ROBO2: variants seen among roughly 807,000 people sequenced by gnomAD.
ROBO2 encodes the protein roundabout homolog 2.
Under a neutral mutation model 160.8 loss-of-function variants are expected in ROBO2, and 53 were observed. The observed-to-expected ratio is 0.33, with a 90% CI of 0.26 to 0.41. The LOEUF (loss-of-function observed/expected upper bound fraction) is 0.41. Ranked by LOEUF, ROBO2 falls within the 10% of genes least tolerant of loss-of-function variation. The pLI is 1.00. For synonymous variants in ROBO2, 664 were observed against 611.7 expected (o/e 1.09, Z -1.26); for missense variants, 1,577 against 1,722.4 (o/e 0.92, Z 1.49).
intron 2 of ROBO2, among the ~76,000 whole-genome samples, chr3:76,482,355 A>G (rs747395824): frequency 6.6e-6 from 1 of 152,156 alleles, no homozygotes; most frequent in Non-Finnish European, 1.5e-5. Flanking sequence ...ACAGCTACCC[A>G]GAACAGCCAC....
intron 2 of ROBO2, among the ~76,000 whole-genome samples, chr3:76,930,626 AG>A (rs2077278663): frequency 6.6e-6 from 1 of 152,212 alleles, no homozygotes; most frequent in Admixed American, 6.5e-5. Context: ...AAGGAGGCTA[AG>A]TAACCCCACA....
At chr3:77,317,232 C>T (rs1225552068) in intron 2 of ROBO2, 10 of 807,028 alleles carry the variant, frequency 1.2e-5, no homozygotes, top group Non-Finnish European at 1.8e-5. Context: ...CGTCACAGCC[C>T]AGGTTAATGT....
intron 2 of ROBO2, among the ~76,000 whole-genome samples, chr3:76,939,979 ATTTTTTT>A (rs71104641): frequency 8.3e-6 from 1 of 120,552 alleles, no homozygotes. Context: ...AAGCAACAGG[ATTTTTTT>A]TTTTTTTTTT....
At chr3:76,425,323 G>A (rs967587588) in intron 2 of ROBO2, among the ~76,000 whole-genome samples, 6 of 151,742 alleles carry the variant, frequency 4.0e-5, no homozygotes, top group African/African-American at 1.2e-4. Context: ...GTTATTCATC[G>A]TGTATCTGAA....
intron 2 of ROBO2, among the ~76,000 whole-genome samples, chr3:77,243,258 A>G (rs1451632880): frequency 1.3e-5 from 2 of 152,226 alleles, no homozygotes; most frequent in East Asian, 1.9e-4. Context: ...TGTAAGAATC[A>G]TTATTTAAGA....
chr3:76,110,712 A>G (rs926654963), intron 2 of ROBO2, among the ~76,000 whole-genome samples: 1 of 152,122 alleles, frequency 6.6e-6, no homozygotes, highest in Non-Finnish European at 1.5e-5. Flanking sequence ...AAAGGCATTT[A>G]TGGTACTAAT....
chr3:76,047,850 T>C (rs1413353715), intron 2 of ROBO2, among the ~76,000 whole-genome samples: 2 of 152,194 alleles, frequency 1.3e-5, no homozygotes, highest in Non-Finnish European at 2.9e-5. Flanking sequence ...AATAAAGAAC[T>C]CCTGGGCTTT....
rs577430033 is a variant in ROBO2, at chr3:77,208,044, T to G, written c.388+109704T>G. 2.0e-5 allele frequency among the ~76,000 whole-genome samples: 3 copies of G among 152,320 alleles called. No homozygotes were observed. The South Asian group carries it at 6.2e-4, about 32-fold the overall frequency. On this transcript the variant is annotated intron_variant, in intron 2 of 25. Transcript: ENST00000461745. ...AGGATCTATCCTGAGCGCTCTCCTG[T>G]AAAGAGTAAGATGTGCGCATTAGAA...
chr3:76,907,852 GTGTT>G (rs2075715368), intron 2 of ROBO2, among the ~76,000 whole-genome samples: 1 of 151,080 alleles, frequency 6.6e-6, no homozygotes, highest in Non-Finnish European at 1.5e-5. Flanking sequence ...GTGTGTGTGT[GTGTT>G]TGAGATGGAG....
intron 2 of ROBO2, among the ~76,000 whole-genome samples, chr3:76,043,382 C>T (rs2067338433): frequency 6.6e-6 from 1 of 151,634 alleles, no homozygotes. Context: ...CAGTTCTGGG[C>T]CTTTTTGCTG....
intron 2 of ROBO2, among the ~76,000 whole-genome samples, chr3:76,283,153 A>ATATAT (rs1559717396): frequency 1.7e-4 from 2 of 12,064 alleles, no homozygotes; most frequent in African/African-American, 2.4e-4. Context: ...TATATATATA[A>ATATAT]AACTACATAT....
At position 76,345,871 on chromosome 3, in the gene ROBO2, T is replaced by A. The variant is rs148109845; in HGVS notation, c.109+408269T>A. On this transcript the variant is annotated intron_variant, in intron 2 of 26. Transcript: ENST00000487694. ...GTTTTATTTGTTATTACCTAAAGCG[T>A]ACCAAACTCCAAGTTTGTATTGTCA... 3.7e-4 allele frequency among the ~76,000 whole-genome samples: 56 copies of A among 152,286 alleles called. 1 individual carries two copies. The highest frequency in any genetic ancestry group is 3.1e-4 in the Non-Finnish European group (21 of 68,018).
intron 2 of ROBO2, among the ~76,000 whole-genome samples, chr3:76,438,142 T>C (rs1156931292): frequency 1.3e-5 from 2 of 152,142 alleles, no homozygotes; most frequent in Non-Finnish European, 2.9e-5. Context: ...TATTCATTCT[T>C]GAGAAAAAAT....
chr3:76,037,210 A>G (rs897991211), intron 2 of ROBO2, among the ~76,000 whole-genome samples: 2 of 151,674 alleles, frequency 1.3e-5, no homozygotes, highest in Non-Finnish European at 2.9e-5. Flanking sequence ...TACTGTATTC[A>G]GTGGTAGAAA....
intron 2 of ROBO2, among the ~76,000 whole-genome samples, chr3:76,872,959 A>G (rs540728010): frequency 1.3e-5 from 2 of 152,250 alleles, no homozygotes; most frequent in East Asian, 3.9e-4. Context: ...GGCAATTTTA[A>G]AAGTGTTACT....
At chr3:77,230,986 T>A (rs1392699761) in intron 2 of ROBO2, among the ~76,000 whole-genome samples, 1 of 152,142 alleles carries the variant, frequency 6.6e-6, no homozygotes, top group East Asian at 1.9e-4. Flanking sequence ...AGAAAACAAT[T>A]TGTGTGATTG....
chr3:76,998,331 G>A (rs940798089), intron 2 of ROBO2, among the ~76,000 whole-genome samples: 1 of 152,066 alleles, frequency 6.6e-6, no homozygotes, highest in African/African-American at 2.4e-5. Flanking sequence ...GCTAGATTGT[G>A]TAAAACATTA....
At chr3:77,386,603 A>ATTTGTTTTTTTTTTTTTTTTTTTTTTT (rs2074126011) in intron 2 of ROBO2, among the ~76,000 whole-genome samples, 1 of 91,896 alleles carries the variant, frequency 1.1e-5, no homozygotes, top group Non-Finnish European at 2.1e-5. Context: ...CAGCCAGGTA[A>ATTTGTTTTTTTTTTTTTTTTTTTTTTT]TTTTTTTTTT....
At chr3:76,149,105 A>G (rs1160769653) in intron 2 of ROBO2, among the ~76,000 whole-genome samples, 1 of 151,952 alleles carries the variant, frequency 6.6e-6, no homozygotes, top group Admixed American at 6.6e-5. Flanking sequence ...TGTGTGTGAT[A>G]AAAACTGATT....
Sources: gnomAD v4.1 joint callset for allele counts (sites outside exome capture counted in the v4.1 genomes callset) on GRCh38, gnomAD v4.1.1 for gene constraint, MANE v1.5 for transcripts, NCBI Gene and HGNC (gene_info 2026-07-23, HGNC 2026-07-21) for gene names.